The following GNG12 variants were observed in gnomAD, a reference collection of about 807,000 sequenced individuals.
The protein encoded by GNG12 is guanine nucleotide-binding protein G(I)/G(S)/G(O) subunit gamma-12.
For missense variants in GNG12, 69 were observed against 83.8 expected, an observed-to-expected ratio of 0.82 and a Z score of 0.69; for synonymous variants, 28 against 29.7, an observed-to-expected ratio of 0.94 and a Z score of 0.19.
intron 2 of GNG12, among the ~76,000 whole-genome samples, chr1:67,715,706 G>A (rs1357923001): frequency 1.6e-4 from 24 of 152,168 alleles, no homozygotes; most frequent in South Asian, 2.1e-4. Flanking sequence ...TGCTCCTCCA[G>A]CCCCTTCCAA....
At chr1:67,740,334 A>C (rs1324853707) in intron 2 of GNG12, among the ~76,000 whole-genome samples, 2 of 152,240 alleles carry the variant, frequency 1.3e-5, no homozygotes, top group Non-Finnish European at 2.9e-5. Flanking sequence ...GATCTGGGGC[A>C]GGGGTCTGTA....
intron 2 of GNG12, among the ~76,000 whole-genome samples, chr1:67,759,392 T>C (rs1646589029): frequency 6.6e-6 from 1 of 152,200 alleles, no homozygotes; most frequent in East Asian, 1.9e-4. Flanking sequence ...TCCAAAGTAC[T>C]GTGGGAGACA....
At chr1:67,778,143 CATA>C (rs1466531951) in intron 1 of GNG12, among the ~76,000 whole-genome samples, 2 of 149,988 alleles carry the variant, frequency 1.3e-5, no homozygotes, top group Non-Finnish European at 3.0e-5. Flanking sequence ...TACATTTAAT[CATA>C]ATGTTAAATG....
intron 1 of GNG12, among the ~76,000 whole-genome samples, chr1:67,809,235 A>C (rs2265759): frequency 0.6 from 91,589 of 151,788 alleles, 27,845 homozygotes; most frequent in Middle Eastern, 0.73. Context: ...CCCTGCCCCC[A>C]CCAAAAAAGA....
At chr1:67,830,091 C>T (rs1363488989) in intron 1 of GNG12, among the ~76,000 whole-genome samples, 1 of 151,588 alleles carries the variant, frequency 6.6e-6, no homozygotes, top group African/African-American at 2.4e-5. Flanking sequence ...CCGCAACCTC[C>T]GCCTCCTGGG....
intron 2 of GNG12, among the ~76,000 whole-genome samples, chr1:67,769,228 C>T (rs1424565311): frequency 3.4e-5 from 5 of 148,906 alleles, no homozygotes; most frequent in Non-Finnish European, 7.6e-5. Flanking sequence ...GCTGGCTTCA[C>T]CATGGGTTGG....
intron 1 of GNG12, among the ~76,000 whole-genome samples, chr1:67,823,689 A>G (rs1052167072): frequency 1.1e-4 from 16 of 152,352 alleles, no homozygotes; most frequent in African/African-American, 3.8e-4. Context: ...CATTGGCTGT[A>G]CGGAACCGGG....
Position 67,708,218 on chromosome 1 carries a change from T to C in GNG12, c.-26-506A>G, listed in dbSNP as rs1476984637. On this transcript the variant is annotated intron_variant, in intron 2 of 3. Coordinates refer to ENST00000370982, the MANE Select transcript of GNG12 (RefSeq NM_018841.6). Reference sequence around the variant, plus strand: ...GAGAAGAGAGCTCCTCTAGAGAACTTTGAATAAAGGGTGCTTATTTTTAGA... The same window carrying C: ...GAGAAGAGAGCTCCTCTAGAGAACTCTGAATAAAGGGTGCTTATTTTTAGA... Among the ~76,000 whole-genome samples, 4 of 152,230 alleles carry C rather than the reference T, an allele frequency of 2.6e-5. No individual in the cohort carries two copies. The East Asian group carries it at 5.8e-4, about 22-fold the overall frequency.
At position 67,798,369 on chromosome 1, in the gene GNG12, C is replaced by G. The variant is rs928260631; in HGVS notation, c.-76-20862G>C. ...AGGTGGAACAGTTTCATCCCCAACC[C>G]CTCTGTGACCACTGGCCATGGAAAA... On this transcript the variant is annotated intron_variant, in intron 1 of 3. Transcript: ENST00000370982. 4.6e-5 allele frequency among the ~76,000 whole-genome samples: 7 copies of G among 152,284 alleles called. No homozygotes were observed. The East Asian group carries it at 1.4e-3, about 29-fold the overall frequency.
chr1:67,819,525 C>G (rs12133270), intron 1 of GNG12, among the ~76,000 whole-genome samples: 5 of 152,136 alleles, frequency 3.3e-5, no homozygotes, highest in African/African-American at 1.2e-4. Context: ...GTTCCAAAAC[C>G]CTAAACTTTC....
intron 1 of GNG12, among the ~76,000 whole-genome samples, chr1:67,807,507 A>C (rs1409405370): frequency 4.6e-5 from 7 of 151,994 alleles, no homozygotes; most frequent in South Asian, 2.1e-4. Context: ...AGAAAAAAAA[A>C]TTGAGAAAAA....
At chr1:67,722,607 C>T (rs575315030) in intron 2 of GNG12, among the ~76,000 whole-genome samples, 14 of 127,256 alleles carry the variant, frequency 1.1e-4, no homozygotes, top group African/African-American at 4.3e-4. Context: ...AGGAACTTGA[C>T]AGGTGGGGGT....
At chr1:67,804,783 A>T (rs1646885457) in intron 1 of GNG12, among the ~76,000 whole-genome samples, 1 of 151,966 alleles carries the variant, frequency 6.6e-6, no homozygotes, top group Non-Finnish European at 1.5e-5. Flanking sequence ...ATTGCTAGAG[A>T]CTTCGTGTGG....
intron 1 of GNG12, among the ~76,000 whole-genome samples, chr1:67,828,569 A>G (rs1323154601): frequency 6.6e-6 from 1 of 152,202 alleles, no homozygotes; most frequent in Non-Finnish European, 1.5e-5. Context: ...CAGGATATAT[A>G]ATATATACAA....
At chr1:67,727,176 TTTAC>T (rs766802756) in intron 2 of GNG12, among the ~76,000 whole-genome samples, 8 of 152,230 alleles carry the variant, frequency 5.3e-5, no homozygotes, top group Non-Finnish European at 7.3e-5. Flanking sequence ...ATGCCTTTTA[TTTAC>T]TTACTTATTT....
intron 2 of GNG12, among the ~76,000 whole-genome samples, chr1:67,770,656 C>A (rs970461753): frequency 2.6e-5 from 4 of 152,118 alleles, no homozygotes; most frequent in African/African-American, 9.7e-5. Context: ...CCGGGGGGCC[C>A]AGAGCAAGGC....
intron 2 of GNG12, among the ~76,000 whole-genome samples, chr1:67,746,456 CCTT>C (rs1272183262): frequency 1.3e-5 from 2 of 152,018 alleles, no homozygotes; most frequent in East Asian, 1.9e-4. Context: ...CTGTAACATC[CCTT>C]CTTCTCAGCA....
chr1:67,777,741 C>T (rs543766536), intron 1 of GNG12, among the ~76,000 whole-genome samples: 8 of 152,224 alleles, frequency 5.3e-5, no homozygotes, highest in South Asian at 2.1e-4. Flanking sequence ...CTGAGGCCAG[C>T]GTAACTATAA....
At chr1:67,742,678 T>C (rs896667272) in intron 2 of GNG12, among the ~76,000 whole-genome samples, 4 of 152,188 alleles carry the variant, frequency 2.6e-5, no homozygotes, top group African/African-American at 9.7e-5. Context: ...ATTTTTATTA[T>C]AAATAAAGTC....
Sources: gnomAD v4.1 joint callset for allele counts (sites outside exome capture counted in the v4.1 genomes callset) on GRCh38, gnomAD v4.1.1 for gene constraint, MANE v1.5 for transcripts, NCBI Gene and HGNC (gene_info 2026-07-23, HGNC 2026-07-21) for gene names.